The following WWOX variants were observed in gnomAD, a reference collection of about 807,000 sequenced individuals.
WWOX encodes WW domain-containing oxidoreductase.
A neutral mutation model predicts 46.2 loss-of-function variants in WWOX; 69 were observed. The observed-to-expected ratio is 1.49, with a 90% confidence interval of 1.23 to 1.82. WWOX has a LOEUF of 1.82. Among genes scored for constraint, WWOX ranks in the 40% most tolerant of loss-of-function variants. WWOX has a pLI of 0.00. For synonymous variants in WWOX, 359 were observed against 202.6 expected (o/e 1.77, Z -6.56); for missense variants, 919 against 542.6 (o/e 1.69, Z -6.89).
chr16:78,875,418 A>C lies in WWOX; in HGVS notation c.1057-336190A>C, dbSNP rs3752911. ...CAAATTAGTATTTCTCTAATTCTCG[A>C]GTGTCTGATCTGCCTGGCTAGAATG... On this transcript the variant is annotated intron_variant, in intron 8 of 8. Transcript: ENST00000566780. Among the ~76,000 whole-genome samples the C allele has an allele frequency of 4.2e-3, 647 of 152,280 alleles. 12 individuals carry two copies. Among genetic ancestry groups the C allele is most frequent in the East Asian group, 0.041 (214 of 5,184 alleles).
intron 5 of WWOX, among the ~76,000 whole-genome samples, chr16:78,281,759 T>C (rs1450426589): frequency 1.3e-5 from 2 of 152,032 alleles, no homozygotes; most frequent in African/African-American, 4.8e-5. Context: ...ATGTGAAGCA[T>C]TTTTAGCCTG....
intron 8 of WWOX, among the ~76,000 whole-genome samples, chr16:78,676,766 T>C (rs1330984872): frequency 6.6e-6 from 1 of 152,250 alleles, no homozygotes; most frequent in Non-Finnish European, 1.5e-5. Context: ...TTTATTGAAA[T>C]AAATTGTTGA....
chr16:78,542,950 G>A (rs1043374049), intron 8 of WWOX, among the ~76,000 whole-genome samples: 20 of 152,288 alleles, frequency 1.3e-4, no homozygotes, highest in African/African-American at 3.9e-4. Flanking sequence ...AATGAGAGGA[G>A]GAGAGTAGAA....
intron 8 of WWOX, among the ~76,000 whole-genome samples, chr16:78,462,141 C>A (rs138267715): frequency 1.3e-5 from 2 of 152,294 alleles, no homozygotes; most frequent in Non-Finnish European, 2.9e-5. Flanking sequence ...CTGAGTATTA[C>A]AGTTGGAGTC....
At chr16:78,442,948 C>T (rs1419593987) in intron 8 of WWOX, among the ~76,000 whole-genome samples, 1 of 151,904 alleles carries the variant, frequency 6.6e-6, no homozygotes, top group Non-Finnish European at 1.5e-5. Flanking sequence ...TGGTGAAACC[C>T]TGTCTCTACC....
At chr16:78,170,899 A>T (rs936806116) in intron 5 of WWOX, among the ~76,000 whole-genome samples, 1 of 152,216 alleles carries the variant, frequency 6.6e-6, no homozygotes, top group African/African-American at 2.4e-5. Context: ...TTAGGGAGAG[A>T]GCGCATGCTC....
At chr16:78,363,706 G>A (rs1478526583) in intron 5 of WWOX, among the ~76,000 whole-genome samples, 1 of 152,130 alleles carries the variant, frequency 6.6e-6, no homozygotes, top group African/African-American at 2.4e-5. Flanking sequence ...TCCTATATTT[G>A]CCAACCCTCA....
At chr16:78,433,019 T>C (rs1452039014) in intron 8 of WWOX, among the ~76,000 whole-genome samples, 1 of 151,828 alleles carries the variant, frequency 6.6e-6, no homozygotes. Flanking sequence ...TGGTGATTTT[T>C]TTGTTTGTTT....
In WWOX at chr16:78,741,537, G is replaced by A. The variant is rs966041978; in HGVS notation, c.1056+308785G>A. Among the ~76,000 whole-genome samples, 8 of 152,012 alleles carry A rather than the reference G, an allele frequency of 5.3e-5. No homozygotes were observed. In the East Asian group the frequency reaches 9.7e-4, roughly 18 times the overall value. On this transcript the variant is annotated intron_variant, in intron 8 of 8. Coordinates refer to ENST00000566780, the MANE Select transcript of WWOX (RefSeq NM_016373.4). ...ATCACCACTGCACCCCAGCCTGGGC[G>A]ACAGAGTGAGACTGTGTCTCAAAAA...
intron 8 of WWOX, among the ~76,000 whole-genome samples, chr16:78,619,204 T>G (rs1484978574): frequency 1.9e-5 from 1 of 52,384 alleles, no homozygotes; most frequent in East Asian, 7.3e-4. Flanking sequence ...TATATATATA[T>G]ATATATATAT....
intron 5 of WWOX, among the ~76,000 whole-genome samples, chr16:78,371,264 C>T (rs1218767903): frequency 2.0e-5 from 3 of 152,104 alleles, no homozygotes; most frequent in Non-Finnish European, 2.9e-5. Context: ...CTATGACTCT[C>T]TACAGATGGA....
intron 8 of WWOX, among the ~76,000 whole-genome samples, chr16:79,157,111 C>A (rs960913487): frequency 6.6e-6 from 1 of 152,096 alleles, no homozygotes; most frequent in Non-Finnish European, 1.5e-5. Flanking sequence ...CAGAGTAATT[C>A]TGTAGAAATA....
chr16:79,211,184 T>C (rs1022539794), intron 8 of WWOX, among the ~76,000 whole-genome samples: 12 of 152,166 alleles, frequency 7.9e-5, no homozygotes, highest in Admixed American at 3.3e-4. Context: ...TAAGAGTGGT[T>C]GGTTTGTCAG....
At chr16:78,430,871 G>C (rs759152928) in intron 7 of WWOX, among the ~76,000 whole-genome samples, 2 of 152,146 alleles carry the variant, frequency 1.3e-5, no homozygotes, top group Non-Finnish European at 2.9e-5. Flanking sequence ...CCCTTGCCAT[G>C]CTTTTCTTGG....
At chr16:78,499,272 A>G (rs897317807) in intron 8 of WWOX, among the ~76,000 whole-genome samples, 5 of 151,978 alleles carry the variant, frequency 3.3e-5, no homozygotes, top group Non-Finnish European at 7.4e-5. Flanking sequence ...GCAAGCTACG[A>G]TGTTCTTATG....
At chr16:78,696,999 C>G (rs1263131561) in intron 8 of WWOX, among the ~76,000 whole-genome samples, 1 of 152,188 alleles carries the variant, frequency 6.6e-6, no homozygotes, top group East Asian at 1.9e-4. Context: ...TCAGTTCATT[C>G]CTTTTCATGG....
chr16:79,204,929 C>G (rs558696351), intron 8 of WWOX: 1 of 152,220 alleles, frequency 6.6e-6, no homozygotes, highest in African/African-American at 2.4e-5. Flanking sequence ...CTCCTCTCTT[C>G]GAGTCCACCT....
At chr16:79,132,201 A>G (rs1212872122) in intron 8 of WWOX, among the ~76,000 whole-genome samples, 1 of 151,914 alleles carries the variant, frequency 6.6e-6, no homozygotes, top group Admixed American at 6.6e-5. Flanking sequence ...GTACTTGGAA[A>G]GCAATCATAT....
chr16:78,376,242 C>A (rs1309085056), intron 5 of WWOX, among the ~76,000 whole-genome samples: 2 of 150,048 alleles, frequency 1.3e-5, no homozygotes, highest in Admixed American at 6.6e-5. Flanking sequence ...GAAGCTCACG[C>A]TTAGAGAATG....
Sources: allele counts gnomAD v4.1 joint callset (sites outside exome capture counted in the v4.1 genomes callset), GRCh38; gene constraint gnomAD v4.1.1; transcripts MANE v1.5; gene names NCBI Gene and HGNC (gene_info 2026-07-23, HGNC 2026-07-21).